MAPRE2: variants seen among roughly 807,000 people sequenced by gnomAD.
MAPRE2 encodes microtubule associated protein RP/EB family member 2, also known as microtubule-associated protein RP/EB family member 2.
Under a neutral mutation model 43.2 loss-of-function variants are expected in MAPRE2, and 13 were observed. The ratio of observed to expected loss-of-function variants is 0.30; its 90% CI spans 0.20 to 0.48. The LOEUF (loss-of-function observed/expected upper bound fraction) is 0.48, where lower values mean the gene tolerates loss of function less well. MAPRE2 is among the 20% of genes least tolerant of loss of function. The probability of loss-of-function intolerance (pLI) is 0.99; values close to 1 mark genes in which losing one functional copy is unlikely to be tolerated. For missense variants in MAPRE2, 161 were observed against 400.2 expected (o/e 0.40, Z 5.10); for synonymous variants, 135 against 148.8 (o/e 0.91, Z 0.68).
chr18:35,043,072 A>G (rs1325834336), intron 1 of MAPRE2, among the ~76,000 whole-genome samples: 1 of 152,160 alleles, frequency 6.6e-6, no homozygotes, highest in African/African-American at 2.4e-5. Flanking sequence ...ATTCTTACAG[A>G]TTTCAAGTGC....
intron 2 of MAPRE2, among the ~76,000 whole-genome samples, chr18:35,029,339 C>T (rs1337286094): frequency 6.6e-6 from 1 of 152,192 alleles, no homozygotes; most frequent in Non-Finnish European, 1.5e-5. Flanking sequence ...GTCGAGGAGC[C>T]ATCCAGAAGC....
intron 1 of MAPRE2, among the ~76,000 whole-genome samples, chr18:35,053,261 G>A (rs1264491823): frequency 1.3e-5 from 2 of 152,122 alleles, no homozygotes; most frequent in African/African-American, 4.8e-5. Flanking sequence ...GGGAGTGGTG[G>A]CACTTGCCTG....
At chr18:35,093,006 G>C (rs1020796812) in intron 2 of MAPRE2, among the ~76,000 whole-genome samples, 1 of 152,040 alleles carries the variant, frequency 6.6e-6, no homozygotes, top group Non-Finnish European at 1.5e-5. Flanking sequence ...GAGGTCGGTA[G>C]TTCAAGACCA....
chr18:34,980,028 T>TTC (rs1173087096), intron 1 of MAPRE2, among the ~76,000 whole-genome samples: 69 of 22,038 alleles, frequency 3.1e-3, no homozygotes, highest in African/African-American at 7.1e-3. Flanking sequence ...TTTTTCTTTT[T>TTC]TTCTTTTTTT....
chr18:35,074,264 A>C (rs1387497501), intron 2 of MAPRE2, among the ~76,000 whole-genome samples: 1 of 152,108 alleles, frequency 6.6e-6, no homozygotes, highest in Non-Finnish European at 1.5e-5. Context: ...AAAGTTATAC[A>C]GCTTGGGCAG....
chr18:35,004,695 A>T (rs2097030941), intron 1 of MAPRE2, among the ~76,000 whole-genome samples: 1 of 152,242 alleles, frequency 6.6e-6, no homozygotes, highest in Non-Finnish European at 1.5e-5. Context: ...AGGCAGGCGG[A>T]TCGCGAGGTC....
chr18:35,009,639 T>C (rs2097033468), intron 2 of MAPRE2, among the ~76,000 whole-genome samples: 1 of 152,192 alleles, frequency 6.6e-6, no homozygotes, highest in Non-Finnish European at 1.5e-5. Context: ...TTGGCCTGCA[T>C]TGACAGTCCC....
intron 1 of MAPRE2, among the ~76,000 whole-genome samples, chr18:34,998,036 T>C (rs1420792443): frequency 6.6e-6 from 1 of 152,226 alleles, no homozygotes; most frequent in Non-Finnish European, 1.5e-5. Context: ...AATTGGGGTA[T>C]CGGCTCCACA....
intron 2 of MAPRE2, among the ~76,000 whole-genome samples, chr18:35,017,244 G>GT (rs140257488): frequency 0.097 from 12,157 of 125,554 alleles, 737 homozygotes; most frequent in East Asian, 0.2. Context: ...CGGTTTTGTT[G>GT]TTTTTTTTTT....
chr18:35,114,547 A>G (rs762580720), intron 4 of MAPRE2, among the ~76,000 whole-genome samples: 3 of 152,090 alleles, frequency 2.0e-5, no homozygotes, highest in Non-Finnish European at 2.9e-5. Flanking sequence ...ATTGAGCCCT[A>G]GATTAGTAGA....
chr18:35,014,859 C>A (rs746664802), intron 2 of MAPRE2, among the ~76,000 whole-genome samples: 1 of 152,118 alleles, frequency 6.6e-6, no homozygotes, highest in Non-Finnish European at 1.5e-5. Flanking sequence ...CTTAGTGCAC[C>A]TTTACCACGT....
rs943541063 is a variant in MAPRE2 at position 35,140,586 on chromosome 18, G to A, written c.*217G>A. 5.6e-6 allele frequency: 3 copies of A among 540,296 alleles called. No homozygotes were observed. The highest frequency in any genetic ancestry group is 4.5e-4 in the Middle Eastern group (1 of 2,242). The allele number at this position is 540,296 out of a possible 1,614,324, so 33.5% of individuals were successfully genotyped here. On this transcript the variant is annotated 3_prime_UTR_variant, in exon 7 of 7. Transcript: ENST00000300249. ...CCTCTGGCCACCTACCCGAGAGATC[G>A]TAGGGTCACATACATCCAACTTCAC... is the stretch of plus-strand genomic sequence containing the variant.
At chr18:35,046,788 C>T (rs1336622698) in intron 1 of MAPRE2, among the ~76,000 whole-genome samples, 1 of 152,210 alleles carries the variant, frequency 6.6e-6, no homozygotes, top group Non-Finnish European at 1.5e-5. Flanking sequence ...TTCTCTGGCT[C>T]AGGATGTCTT....
At chr18:35,057,412 A>T in intron 1 of MAPRE2, among the ~76,000 whole-genome samples, 1 of 152,076 alleles carries the variant, frequency 6.6e-6, no homozygotes. Context: ...AATTGTAGTG[A>T]TATTACACTG....
chr18:35,078,156 A>C (rs1442623748), intron 2 of MAPRE2, among the ~76,000 whole-genome samples: 2 of 152,240 alleles, frequency 1.3e-5, no homozygotes, highest in African/African-American at 4.8e-5. Context: ...TAAGAATTAC[A>C]GAAACCCTCA....
chr18:35,136,171 A>T (rs557157955), intron 6 of MAPRE2, among the ~76,000 whole-genome samples: 1 of 152,172 alleles, frequency 6.6e-6, no homozygotes, highest in Non-Finnish European at 1.5e-5. Context: ...TCCAGAGCAG[A>T]TACTTATTCT....
At chr18:35,077,254 CACACACACACACACACAT>C (rs1027283096) in intron 2 of MAPRE2, among the ~76,000 whole-genome samples, 106 of 94,816 alleles carry the variant, frequency 1.1e-3, no homozygotes, top group African/African-American at 8.5e-3. Context: ...CGCGCGCACA[CACACACACACACACACAT>C]ACACACACAC....
At chr18:35,121,565 AATT>A (rs999683638) in intron 4 of MAPRE2, among the ~76,000 whole-genome samples, 1 of 152,156 alleles carries the variant, frequency 6.6e-6, no homozygotes, top group African/African-American at 2.4e-5. Flanking sequence ...GGCCACTACT[AATT>A]ATGTTCTCAG....
intron 6 of MAPRE2, among the ~76,000 whole-genome samples, chr18:35,132,671 C>A (rs986400962): frequency 1.3e-5 from 2 of 152,228 alleles, no homozygotes; most frequent in African/African-American, 2.4e-5. Context: ...GGGACAGCCA[C>A]ATGCCCATCT....
Sources: gnomAD v4.1 joint callset for allele counts (sites outside exome capture counted in the v4.1 genomes callset) on GRCh38, gnomAD v4.1.1 for gene constraint, MANE v1.5 for transcripts, NCBI Gene and HGNC (gene_info 2026-07-23, HGNC 2026-07-21) for gene names.